TANC1: variants seen among roughly 807,000 people sequenced by gnomAD.
The protein encoded by TANC1 is tetratricopeptide repeat, ankyrin repeat and coiled-coil containing 1, also known as protein TANC1.
In TANC1, 77 loss-of-function variants were observed where a neutral mutation model predicts 149.7. The observed-to-expected ratio is 0.51, with a 90% CI of 0.43 to 0.62. TANC1 has a LOEUF of 0.62. TANC1 is among the 20% of genes least tolerant of loss of function. The pLI, the probability that TANC1 is intolerant of heterozygous loss-of-function variation, is 0.00. For synonymous variants in TANC1, 854 were observed against 925.0 expected, an observed-to-expected ratio of 0.92 and a Z score of 1.39; for missense variants, 1,985 against 2,321.8, an observed-to-expected ratio of 0.85 and a Z score of 2.98.
At chr2:159,171,540 C>A (rs2055208354) in intron 10 of TANC1, among the ~76,000 whole-genome samples, 1 of 152,122 alleles carries the variant, frequency 6.6e-6, no homozygotes, top group African/African-American at 2.4e-5. Context: ...GGGAGGATCG[C>A]TTGAGCCCAG....
At chr2:159,224,443 CCTG>C in intron 23 of TANC1, 79 bp downstream of exon 23, 1 of 1,538,596 alleles carries the variant, frequency 6.5e-7, no homozygotes. Flanking sequence ...CAGAGAGTGA[CCTG>C]CTCCCAGGTT....
chr2:159,098,311 G>C (rs2046340568), intron 4 of TANC1, among the ~76,000 whole-genome samples: 1 of 152,184 alleles, frequency 6.6e-6, no homozygotes, highest in East Asian at 1.9e-4. Context: ...TGCTGTACAG[G>C]TTTGTAGCCT....
intron 2 of TANC1, among the ~76,000 whole-genome samples, chr2:159,015,900 C>T (rs1042162092): frequency 2.0e-5 from 3 of 152,188 alleles, no homozygotes; most frequent in Admixed American, 6.5e-5. Context: ...CAAAGCCATT[C>T]AACAAGTCTC....
chr2:159,041,887 G>C (rs1449371972), intron 2 of TANC1, among the ~76,000 whole-genome samples: 1 of 152,194 alleles, frequency 6.6e-6, no homozygotes, highest in East Asian at 1.9e-4. Flanking sequence ...GCGGGCTGAA[G>C]ACTGGAGCTG....
chr2:159,054,238 A>G lies in TANC1; in HGVS notation c.-15-11658A>G, dbSNP rs141847264. ...ACACTGAGTTGTGTGACCCTGGGCA[A>G]GTCACTAGCTTGTCTGTGCCTTTGT... On this transcript the variant is annotated intron_variant, in intron 2 of 26. Coordinates refer to ENST00000263635, the MANE Select transcript of TANC1 (RefSeq NM_033394.3). Among the ~76,000 whole-genome samples, 47 of 152,342 alleles carry G rather than the reference A, an allele frequency of 3.1e-4. 1 individual carries two copies. The South Asian group carries it at 7.0e-3, about 23-fold the overall frequency.
At position 159,227,406 on chromosome 2, in the gene TANC1, A is replaced by T. The variant is rs370465764; in HGVS notation, c.3904-413A>T. The T allele has an allele frequency of 9.5e-5, 16 of 169,094 alleles. No homozygotes were observed. In the South Asian group the frequency reaches 2.3e-3, roughly 24 times the overall value. 10.5% of individuals were successfully genotyped at this position (169,094 alleles called of 1,614,324 possible). ...CAAGCTCTCTAGGTTTATCTACAAG[A>T]TGCTACTTGTCCTAGGAATAGGATC... On this transcript the variant is annotated intron_variant, in intron 24 of 26. Coordinates refer to ENST00000263635, the MANE Select transcript of TANC1 (RefSeq NM_033394.3).
In TANC1 at chr2:159,126,073, T is replaced by A. The variant is rs2049417613; in HGVS notation, c.260-10121T>A. Among the ~76,000 whole-genome samples, 3 of 152,210 alleles carry A rather than the reference T, an allele frequency of 2.0e-5. 1 individual carries two copies. The South Asian group carries it at 6.2e-4, about 32-fold the overall frequency. Reference sequence around the variant, plus strand: ...TTCTGCTTTCGAGGGTCTGTGTGATTATAGCAAGCTTACCCAGATAATCCA... The same window carrying A: ...TTCTGCTTTCGAGGGTCTGTGTGATAATAGCAAGCTTACCCAGATAATCCA... On this transcript the variant is annotated intron_variant, in intron 4 of 26. Coordinates refer to ENST00000263635, the MANE Select transcript of TANC1 (RefSeq NM_033394.3).
intron 13 of TANC1, among the ~76,000 whole-genome samples, chr2:159,178,164 A>G (rs768455389): frequency 2.6e-5 from 4 of 152,236 alleles, no homozygotes; most frequent in Non-Finnish European, 2.9e-5. Flanking sequence ...TTAGATGTGC[A>G]GTGTTGGTTG....
Position 159,170,753 on chromosome 2 carries a change from C to T in TANC1, c.1299C>T (p.His433=), listed in dbSNP as rs756336961. ...CCAAGTTGGTGGCCCTGAGCTGCCA[C>T]GGAAGCCGCATGAGGCAGATTGCTT... is the stretch of plus-strand genomic sequence containing the variant. The part of the protein sequence containing the change: ...IISKLVALSC[H]GSRMRQIASN... Residue 433 remains histidine (H), a synonymous_variant, in exon 10 of 27, where the codon CAC becomes CAT. Transcript: ENST00000263635. The T allele has an allele frequency of 1.4e-5, 22 of 1,614,064 alleles. No individual in the cohort carries two copies. The African/African-American group carries it at 1.5e-4, about 11-fold the overall frequency.
chr2:159,129,296 C>T (rs1451313048), intron 4 of TANC1, among the ~76,000 whole-genome samples: 1 of 152,180 alleles, frequency 6.6e-6, no homozygotes, highest in Non-Finnish European at 1.5e-5. Context: ...TTTATTTCTA[C>T]CATCTCTTTT....
chr2:159,000,798 A>G (rs146971294), intron 1 of TANC1, among the ~76,000 whole-genome samples: 5 of 152,216 alleles, frequency 3.3e-5, no homozygotes, highest in Non-Finnish European at 7.4e-5. Flanking sequence ...CTGAGGTGTG[A>G]CCCTGGAAAT....
intron 7 of TANC1, among the ~76,000 whole-genome samples, chr2:159,151,855 T>G (rs1023373688): frequency 6.6e-6 from 1 of 152,260 alleles, no homozygotes; most frequent in Non-Finnish European, 1.5e-5. Flanking sequence ...GAAATTCACA[T>G]ACCATAGTAT....
chr2:159,046,115 T>TC (rs1431140714), intron 2 of TANC1, among the ~76,000 whole-genome samples: 6 of 152,058 alleles, frequency 3.9e-5, no homozygotes, highest in Non-Finnish European at 7.4e-5. Context: ...GTTTTTTTTT[T>TC]CCCCCTTCAG....
intron 1 of TANC1, among the ~76,000 whole-genome samples, chr2:158,996,148 C>T (rs1268697904): frequency 2.6e-5 from 4 of 152,266 alleles, no homozygotes; most frequent in East Asian, 1.9e-4. Flanking sequence ...CCCAGGAGTT[C>T]GAGACCAGCC....
rs1171647161 is a variant in TANC1, at chr2:158,974,929, T to G, written c.-126+6147T>G. Among the ~76,000 whole-genome samples the G allele has an allele frequency of 2.3e-4, 23 of 100,230 alleles. 1 individual carries two copies. In the East Asian group the frequency reaches 6.4e-3, roughly 28 times the overall value. The allele number at this position is 100,230 out of a possible 152,430, so 65.8% of individuals were successfully genotyped here. On this transcript the variant is annotated intron_variant, in intron 1 of 26. Transcript: ENST00000263635. The stretch of plus-strand genomic sequence containing the variant: ...TGTATTTTTTTTTTTTTTTTTTTTT[T>G]GTAGAGACAGGGTCTTACTATGAGA...
intron 1 of TANC1, among the ~76,000 whole-genome samples, chr2:158,984,959 C>A (rs939947813): frequency 1.3e-5 from 2 of 152,132 alleles, no homozygotes; most frequent in Admixed American, 1.3e-4. Flanking sequence ...ATCCTGTAAG[C>A]AAGTGATAGC....
chr2:159,083,876 ATTTT>A (rs544957246), intron 3 of TANC1, among the ~76,000 whole-genome samples: 130 of 147,670 alleles, frequency 8.8e-4, no homozygotes, highest in African/African-American at 2.9e-3. Flanking sequence ...TGAGCAGTGA[ATTTT>A]TTTTTTTTTG....
chr2:159,026,029 G>A (rs1158474269), intron 2 of TANC1, among the ~76,000 whole-genome samples: 1 of 152,180 alleles, frequency 6.6e-6, no homozygotes, highest in Non-Finnish European at 1.5e-5. Context: ...CCAGTCCTGG[G>A]CTCAAGCGAT....
intron 1 of TANC1, among the ~76,000 whole-genome samples, chr2:158,981,453 C>A (rs1357730444): frequency 7.4e-6 from 1 of 136,000 alleles, no homozygotes; most frequent in Non-Finnish European, 1.6e-5. Flanking sequence ...CAGAGTGAGA[C>A]CCTATCTTTA....
Sources: gnomAD v4.1 joint callset for allele counts (sites outside exome capture counted in the v4.1 genomes callset) on GRCh38, gnomAD v4.1.1 for gene constraint, MANE v1.5 for transcripts, NCBI Gene and HGNC (gene_info 2026-07-23, HGNC 2026-07-21) for gene names.